Variants in TENM3 observed in about 807,000 individuals in gnomAD.
TENM3 encodes teneurin transmembrane protein 3, also known as teneurin-3.
In TENM3, 63 loss-of-function variants were observed where a neutral mutation model predicts 255.1. The ratio of observed to expected loss-of-function variants is 0.25; its 90% CI spans 0.20 to 0.30. TENM3 has a LOEUF of 0.30. Ranked by LOEUF, TENM3 falls within the 10% of genes least tolerant of loss-of-function variation. TENM3 has a pLI of 1.00. For synonymous variants in TENM3, 1,306 were observed against 1,322.3 expected (o/e 0.99, Z 0.27); for missense variants, 2,929 against 3,461.1 (o/e 0.85, Z 3.86).
At chr4:181,616,507 TATA>T in the TENM3 span, among the ~76,000 whole-genome samples, 4 of 149,688 alleles carry the variant, frequency 2.7e-5, no homozygotes, top group South Asian at 6.3e-4. Context: ...CATATAATAT[TATA>T]ATAATATAAT....
chr4:182,517,814 A>C (rs912745512), intron 3 of TENM3, among the ~76,000 whole-genome samples: 1 of 152,342 alleles, frequency 6.6e-6, no homozygotes, highest in South Asian at 2.1e-4. Flanking sequence ...ATTATTTCAA[A>C]ATAATGTGTT....
At chr4:182,457,840 C>T (rs1431937524) in intron 3 of TENM3, among the ~76,000 whole-genome samples, 2 of 152,314 alleles carry the variant, frequency 1.3e-5, no homozygotes, top group Middle Eastern at 3.4e-3. Context: ...GGATTACAGG[C>T]GCGAGCCACC....
chr4:182,596,435 A>G (rs112896216), intron 3 of TENM3, among the ~76,000 whole-genome samples: 53 of 152,196 alleles, frequency 3.5e-4, no homozygotes, highest in African/African-American at 1.2e-3. Flanking sequence ...GGGAATGCGA[A>G]TAGAGCCATG....
At chr4:181,462,627 T>C in the TENM3 span, among the ~76,000 whole-genome samples, 10 of 152,304 alleles carry the variant, frequency 6.6e-5, no homozygotes, top group South Asian at 2.1e-3. Context: ...TACTAAATTG[T>C]CCCCAGAAGT....
the TENM3 span, among the ~76,000 whole-genome samples, chr4:182,128,164 G>A: frequency 6.6e-6 from 1 of 151,424 alleles, no homozygotes; most frequent in Admixed American, 6.6e-5. Context: ...TAAAATCTGT[G>A]GAAAAAAACG....
the TENM3 span, among the ~76,000 whole-genome samples, chr4:181,679,503 T>A: frequency 6.6e-6 from 1 of 152,162 alleles, no homozygotes; most frequent in Non-Finnish European, 1.5e-5. Flanking sequence ...ACCAGATGAG[T>A]ATAAACAAGC....
chr4:181,768,593 TC>T, the TENM3 span, among the ~76,000 whole-genome samples: 2 of 152,226 alleles, frequency 1.3e-5, no homozygotes, highest in African/African-American at 4.8e-5. Flanking sequence ...TTAGTTTTTT[TC>T]CCTCATTAGC....
chr4:182,076,105 C>A, the TENM3 span, among the ~76,000 whole-genome samples: 2 of 151,898 alleles, frequency 1.3e-5, no homozygotes, highest in Non-Finnish European at 1.5e-5. Context: ...GAGATGAGGT[C>A]TCACTATGTT....
the TENM3 span, among the ~76,000 whole-genome samples, chr4:182,027,942 T>C: frequency 6.6e-6 from 1 of 152,144 alleles, no homozygotes; most frequent in Non-Finnish European, 1.5e-5. Flanking sequence ...TTGTTTGATG[T>C]GGTTTTGTCT....
chr4:181,672,060 A>G, the TENM3 span, among the ~76,000 whole-genome samples: 1 of 152,202 alleles, frequency 6.6e-6, no homozygotes, highest in Non-Finnish European at 1.5e-5. Context: ...GCCCCTCTAC[A>G]GAGGTCAATA....
intron 18 of TENM3, among the ~76,000 whole-genome samples, 177 bp from the exon 19 acceptor site, chr4:182,742,993 T>C (rs535064059): frequency 5.9e-5 from 9 of 152,362 alleles, no homozygotes; most frequent in Admixed American, 4.6e-4. Context: ...GACTTTATCG[T>C]GTAATATTTT....
At chr4:182,392,621 G>A (rs1309901738) in intron 3 of TENM3, among the ~76,000 whole-genome samples, 1 of 152,200 alleles carries the variant, frequency 6.6e-6, no homozygotes, top group Non-Finnish European at 1.5e-5. Context: ...GGAGCGCTGA[G>A]AGCGGAAGGG....
At chr4:182,636,458 C>T (rs970980012) in intron 5 of TENM3, among the ~76,000 whole-genome samples, 25 of 152,004 alleles carry the variant, frequency 1.6e-4, no homozygotes, top group African/African-American at 6.0e-4. Context: ...TACACTTGGC[C>T]GGGCACAGTG....
the TENM3 span, among the ~76,000 whole-genome samples, chr4:181,934,715 C>T: frequency 6.6e-6 from 1 of 151,882 alleles, no homozygotes; most frequent in African/African-American, 2.4e-5. Context: ...TAAACTCTAA[C>T]AATAGAAAGA....
chr4:181,748,149 A>G, the TENM3 span, among the ~76,000 whole-genome samples: 3 of 152,126 alleles, frequency 2.0e-5, no homozygotes, highest in Admixed American at 1.3e-4. Context: ...CTTTATTATC[A>G]CGTTGTCAGG....
intron 3 of TENM3, among the ~76,000 whole-genome samples, chr4:182,501,628 C>T (rs1018248792): frequency 2.6e-5 from 4 of 152,054 alleles, no homozygotes; most frequent in Non-Finnish European, 4.4e-5. Flanking sequence ...TTTAGCTGTT[C>T]ATTTGATAGT....
At chr4:182,059,096 A>G in the TENM3 span, among the ~76,000 whole-genome samples, 1 of 152,068 alleles carries the variant, frequency 6.6e-6, no homozygotes, top group Non-Finnish European at 1.5e-5. Context: ...GCAGCAGGTC[A>G]TGCTGGGATA....
the TENM3 span, among the ~76,000 whole-genome samples, chr4:181,533,404 C>T: frequency 6.6e-6 from 1 of 152,132 alleles, no homozygotes; most frequent in Non-Finnish European, 1.5e-5. Context: ...ATCAGTCACC[C>T]TCTGGGGAAG....
intron 1 of TENM3, among the ~76,000 whole-genome samples, chr4:182,296,982 C>T (rs1216410153): frequency 6.6e-6 from 1 of 152,198 alleles, no homozygotes; most frequent in African/African-American, 2.4e-5. Context: ...AGGCCATACA[C>T]AAAGAAGGGA....
Sources: allele counts gnomAD v4.1 joint callset (sites outside exome capture counted in the v4.1 genomes callset), GRCh38; gene constraint gnomAD v4.1.1; transcripts MANE v1.5; gene names NCBI Gene and HGNC (gene_info 2026-07-23, HGNC 2026-07-21).